SMAP1: variants seen among roughly 807,000 people sequenced by gnomAD.
The protein encoded by SMAP1 is small ArfGAP 1, also known as stromal membrane-associated protein 1.
A neutral mutation model predicts 58.5 loss-of-function variants in SMAP1; 24 were observed. The observed-to-expected ratio is 0.41, with a 90% CI of 0.30 to 0.58. The LOEUF is 0.58. Among genes scored for constraint, SMAP1 ranks in the 20% least tolerant of loss-of-function variants. SMAP1 has a pLI of 0.29. For synonymous variants in SMAP1, 216 were observed against 196.6 expected (o/e 1.10, Z -0.82); for missense variants, 563 against 566.3 (o/e 0.99, Z 0.06).
At chr6:70,820,013 T>A (rs1004516795) in intron 6 of SMAP1, among the ~76,000 whole-genome samples, 1 of 152,182 alleles carries the variant, frequency 6.6e-6, no homozygotes, top group African/African-American at 2.4e-5. Flanking sequence ...TGATTTCTGC[T>A]CCAGGAAGAT....
At chr6:70,795,016 C>T (rs1015797238) in intron 5 of SMAP1, among the ~76,000 whole-genome samples, 4 of 152,010 alleles carry the variant, frequency 2.6e-5, no homozygotes, top group Non-Finnish European at 5.9e-5. Context: ...TCTCGATTTC[C>T]TGACCTCATT....
At chr6:70,815,411 A>C (rs1282058895) in intron 6 of SMAP1, among the ~76,000 whole-genome samples, 2 of 152,236 alleles carry the variant, frequency 1.3e-5, no homozygotes, top group Non-Finnish European at 2.9e-5. Context: ...TAACAATTGC[A>C]TAAAATATTT....
intron 2 of SMAP1, among the ~76,000 whole-genome samples, chr6:70,749,190 G>C (rs889678521): frequency 1.3e-5 from 2 of 152,094 alleles, no homozygotes; most frequent in African/African-American, 4.8e-5. Context: ...AGAGAGAAGC[G>C]TGCAGGGGAA....
At chr6:70,803,160 A>G (rs1339269298) in intron 6 of SMAP1, among the ~76,000 whole-genome samples, 1 of 152,102 alleles carries the variant, frequency 6.6e-6, no homozygotes, top group Admixed American at 6.6e-5. Flanking sequence ...TTGGTAGGCT[A>G]TTATTGCCTC....
At chr6:70,854,515 G>T (rs1344610559) in intron 8 of SMAP1, among the ~76,000 whole-genome samples, 1 of 151,978 alleles carries the variant, frequency 6.6e-6, no homozygotes, top group Non-Finnish European at 1.5e-5. Flanking sequence ...CCAGTTACTC[G>T]GGAGGCTGAG....
chr6:70,669,995 A>G (rs995840501), intron 1 of SMAP1, among the ~76,000 whole-genome samples: 2 of 152,066 alleles, frequency 1.3e-5, no homozygotes, highest in Admixed American at 6.6e-5. Context: ...GGGAGAAGAG[A>G]ATCATGTACT....
intron 6 of SMAP1, among the ~76,000 whole-genome samples, chr6:70,832,332 CTT>C (rs1770394458): frequency 6.6e-6 from 1 of 152,100 alleles, no homozygotes; most frequent in Admixed American, 6.6e-5. Context: ...TTTTGATAGG[CTT>C]TGCCCACCTT....
chr6:70,764,832 C>T (rs1040084733), intron 3 of SMAP1, among the ~76,000 whole-genome samples: 1 of 152,122 alleles, frequency 6.6e-6, no homozygotes, highest in African/African-American at 2.4e-5. Context: ...CAGGGTCTCA[C>T]TCCATTGCCC....
At chr6:70,831,407 C>T (rs1253419938) in intron 6 of SMAP1, among the ~76,000 whole-genome samples, 1 of 152,112 alleles carries the variant, frequency 6.6e-6, no homozygotes, top group African/African-American at 2.4e-5. Flanking sequence ...TTTTGATCCT[C>T]TCCCTCCTTC....
intron 4 of SMAP1, among the ~76,000 whole-genome samples, chr6:70,783,878 G>A (rs925475743): frequency 6.6e-6 from 1 of 152,180 alleles, no homozygotes; most frequent in African/African-American, 2.4e-5. Context: ...AAAACACTCT[G>A]CAGGATATTA....
At chr6:70,727,825 G>A (rs768880145) in intron 1 of SMAP1, among the ~76,000 whole-genome samples, 8 of 152,170 alleles carry the variant, frequency 5.3e-5, no homozygotes, top group Non-Finnish European at 7.3e-5. Context: ...CAGTTTGAGA[G>A]GCTGAGGCAA....
intron 6 of SMAP1, among the ~76,000 whole-genome samples, chr6:70,833,010 A>G (rs1770426007): frequency 6.6e-6 from 1 of 152,224 alleles, no homozygotes; most frequent in Non-Finnish European, 1.5e-5. Flanking sequence ...AAAATCTGTA[A>G]AAATATTTTT....
At chr6:70,828,799 G>A (rs143869276) in intron 6 of SMAP1, among the ~76,000 whole-genome samples, 1,977 of 152,298 alleles carry the variant, frequency 0.013, 12 homozygotes, top group Non-Finnish European at 0.022. Context: ...GCCAATTCCA[G>A]GGAGGTCAAT....
intron 1 of SMAP1, among the ~76,000 whole-genome samples, chr6:70,726,344 G>T (rs977402207): frequency 2.0e-5 from 3 of 152,012 alleles, no homozygotes; most frequent in African/African-American, 7.2e-5. Flanking sequence ...ATTGTGCTGG[G>T]TACAGAACAT....
At chr6:70,829,272 T>TTTTG (rs1041013244) in intron 6 of SMAP1, among the ~76,000 whole-genome samples, 3 of 151,958 alleles carry the variant, frequency 2.0e-5, no homozygotes, top group African/African-American at 7.3e-5. Context: ...TTCTTTTTGT[T>TTTTG]TTTGTTTTTG....
chr6:70,791,276 A>G (rs756269649), intron 4 of SMAP1, among the ~76,000 whole-genome samples: 9 of 152,210 alleles, frequency 5.9e-5, no homozygotes, highest in Non-Finnish European at 1.2e-4. Context: ...AGGTATTATA[A>G]GTAAAAACAA....
chr6:70,781,174 A>T (rs770306540), intron 4 of SMAP1, among the ~76,000 whole-genome samples: 21 of 152,118 alleles, frequency 1.4e-4, no homozygotes, highest in Non-Finnish European at 2.5e-4. Context: ...AGGACTTAAA[A>T]TTTTTTTAAG....
intron 6 of SMAP1, among the ~76,000 whole-genome samples, chr6:70,832,970 A>G (rs1179477491): frequency 2.0e-5 from 3 of 152,338 alleles, no homozygotes; most frequent in South Asian, 2.1e-4. Flanking sequence ...GACTAGGAAC[A>G]TAAGTACTTA....
chr6:70,849,099 C>T (rs769955211), intron 7 of SMAP1, among the ~76,000 whole-genome samples: 2 of 152,126 alleles, frequency 1.3e-5, no homozygotes, highest in Admixed American at 1.3e-4. Context: ...AGAGCAATCA[C>T]CTATGCTCAT....
Sources: allele counts gnomAD v4.1 joint callset (sites outside exome capture counted in the v4.1 genomes callset), GRCh38; gene constraint gnomAD v4.1.1; transcripts MANE v1.5; gene names NCBI Gene and HGNC (gene_info 2026-07-23, HGNC 2026-07-21).